RAP1GAP2: variants seen among roughly 807,000 people sequenced by gnomAD.
RAP1GAP2 encodes rap1 GTPase-activating protein 2.
A neutral mutation model predicts 95.0 loss-of-function variants in RAP1GAP2; 27 were observed. The ratio of observed to expected loss-of-function variants is 0.28; its 90% CI spans 0.21 to 0.39. RAP1GAP2 has a LOEUF of 0.39. RAP1GAP2 is among the 10% of genes least tolerant of loss of function. The pLI, the probability that RAP1GAP2 is intolerant of heterozygous loss-of-function variation, is 1.00. For synonymous variants in RAP1GAP2, 373 were observed against 380.9 expected, an observed-to-expected ratio of 0.98 and a Z score of 0.24; for missense variants, 771 against 970.0, an observed-to-expected ratio of 0.79 and a Z score of 2.72.
At chr17:2,914,439 G>A (rs952145195) in intron 3 of RAP1GAP2, among the ~76,000 whole-genome samples, 2 of 151,770 alleles carry the variant, frequency 1.3e-5, no homozygotes, top group African/African-American at 4.8e-5. Flanking sequence ...CTTTAAATTC[G>A]GTAGTCTTCT....
chr17:2,887,340 G>A (rs2073537358), intron 2 of RAP1GAP2, among the ~76,000 whole-genome samples: 1 of 151,844 alleles, frequency 6.6e-6, no homozygotes, highest in Non-Finnish European at 1.5e-5. Context: ...TTACAGGCAT[G>A]AGCCACCGTA....
At chr17:2,872,761 G>A (rs2151643499) in intron 2 of RAP1GAP2, among the ~76,000 whole-genome samples, 1 of 151,846 alleles carries the variant, frequency 6.6e-6, no homozygotes, top group East Asian at 1.9e-4. Context: ...TGTGAACACT[G>A]CAGCTTTGAC....
Position 2,867,463 on chromosome 17 carries a change from C to T in RAP1GAP2, c.81-37821C>T, listed in dbSNP as rs183584669. ...ATCCACGAAGATGGACGATGGCTGC[C>T]CTGGGCTGACCTTCTACCCACTTAG... On this transcript the variant is annotated intron_variant, in intron 2 of 24. Transcript: ENST00000254695. The surrounding 1 kb of genome is among the most constrained non-coding windows in gnomAD (Gnocchi z 4.5). Among the ~76,000 whole-genome samples, 77 of 152,184 alleles carry T rather than the reference C, an allele frequency of 5.1e-4. No individual in the cohort carries two copies. The East Asian group carries it at 0.012, about 24-fold the overall frequency.
At chr17:2,978,578 T>C (rs193067050) in intron 8 of RAP1GAP2, among the ~76,000 whole-genome samples, 263 of 152,318 alleles carry the variant, frequency 1.7e-3, no homozygotes, top group Middle Eastern at 6.8e-3. Context: ...TGGCCGTGGT[T>C]GACTGCAGGT....
intron 2 of RAP1GAP2, among the ~76,000 whole-genome samples, chr17:2,901,424 A>T (rs1567758533): frequency 6.6e-6 from 1 of 151,674 alleles, no homozygotes; most frequent in Admixed American, 6.6e-5. Flanking sequence ...CCCTCCTCTC[A>T]TGGGTCCTTG....
At chr17:2,813,887 C>T (rs570412781) in intron 2 of RAP1GAP2, among the ~76,000 whole-genome samples, 7 of 151,902 alleles carry the variant, frequency 4.6e-5, no homozygotes, top group Non-Finnish European at 8.8e-5. Context: ...CACTTAAACC[C>T]GGGAGGCGGA....
intron 1 of RAP1GAP2, among the ~76,000 whole-genome samples, chr17:2,765,615 C>T (rs970698081): frequency 5.9e-5 from 9 of 151,786 alleles, no homozygotes; most frequent in Non-Finnish European, 1.3e-4. Context: ...TGGTGGTGGG[C>T]GCCTGTAGTC....
At chr17:2,959,668 T>C (rs2044240587) in intron 4 of RAP1GAP2, among the ~76,000 whole-genome samples, 1 of 152,232 alleles carries the variant, frequency 6.6e-6, no homozygotes. Context: ...TCCCGATACC[T>C]AGCCCAAGAG....
At chr17:3,032,854 C>T (rs1214377189) in intron 24 of RAP1GAP2, among the ~76,000 whole-genome samples, 1 of 152,186 alleles carries the variant, frequency 6.6e-6, no homozygotes, top group Non-Finnish European at 1.5e-5. Context: ...TGTGTTCTCC[C>T]TCCCTGTCGG....
chr17:2,977,646 G>T (rs1480119329), intron 8 of RAP1GAP2, among the ~76,000 whole-genome samples: 2 of 151,338 alleles, frequency 1.3e-5, no homozygotes, highest in Non-Finnish European at 2.9e-5. Flanking sequence ...TCGGGAGGCT[G>T]AGGCAGGAGA....
chr17:2,974,609 G>A (rs1211675942), intron 8 of RAP1GAP2, among the ~76,000 whole-genome samples: 1 of 148,296 alleles, frequency 6.7e-6, no homozygotes. Context: ...TTTTTTTTTT[G>A]CATGTTTAAA....
chr17:3,007,938 TGG>T (rs1239743249), intron 16 of RAP1GAP2, 71 bp from the exon 17 acceptor site: 2 of 1,541,450 alleles, frequency 1.3e-6, no homozygotes, highest in African/African-American at 1.4e-5. Context: ...GCCAGGTGTC[TGG>T]AGCTCACAAG....
chr17:2,857,676 C>T lies in RAP1GAP2; in HGVS notation c.81-47608C>T, dbSNP rs114113521. ...TGGATGAAGCCTTCCTCAGAGACTG[C>T]GGTTTGGAAACCACTTTGATTTTCA... On this transcript the variant is annotated intron_variant, in intron 2 of 24. Coordinates refer to ENST00000254695, the MANE Select transcript of RAP1GAP2 (RefSeq NM_015085.5). The surrounding 1 kb of genome is among the most constrained non-coding windows in gnomAD (Gnocchi z 4.0). Among the ~76,000 whole-genome samples, 3,676 of 152,180 alleles carry T rather than the reference C, an allele frequency of 0.024. 139 individuals are homozygous for T. Among genetic ancestry groups the T allele is most frequent in the African/African-American group, 0.084 (3,480 of 41,484 alleles).
intron 14 of RAP1GAP2, among the ~76,000 whole-genome samples, chr17:3,002,991 G>T (rs779141448): frequency 3.2e-4 from 48 of 151,922 alleles, no homozygotes; most frequent in Non-Finnish European, 4.3e-4. Context: ...AAGTGAAAAG[G>T]CCACTGGGCG....
intron 13 of RAP1GAP2, among the ~76,000 whole-genome samples, chr17:2,996,168 G>C (rs1019826245): frequency 1.3e-5 from 2 of 152,026 alleles, no homozygotes; most frequent in African/African-American, 2.4e-5. Flanking sequence ...CATCTCACAG[G>C]CTCCTCTCTC....
intron 3 of RAP1GAP2, among the ~76,000 whole-genome samples, chr17:2,909,897 C>T (rs1316461662): frequency 6.6e-6 from 1 of 152,102 alleles, no homozygotes; most frequent in East Asian, 1.9e-4. Context: ...GTGCCTGGCC[C>T]GAGGGGTTCT....
rs745889084 is a variant in RAP1GAP2 at position 2,867,601 on chromosome 17, AG to A, written c.81-37679del. On this transcript the variant is annotated intron_variant, in intron 2 of 24. Coordinates refer to ENST00000254695, the MANE Select transcript of RAP1GAP2 (RefSeq NM_015085.5). This position sits in a 1 kb window ranked among gnomAD's most constrained non-coding sequence, Gnocchi z 4.5. ...ATACGCATCCCTGAACTTTGGCCAG[AG>A]GGGTGGGATACACTGATTCATGAAG... Among the ~76,000 whole-genome samples the A allele has an allele frequency of 6.6e-6, 1 of 152,110 alleles. No homozygotes were observed. The highest frequency in any genetic ancestry group is 1.5e-5 in the Non-Finnish European group (1 of 67,994).
At chr17:2,967,285 C>G (rs1250499401) in intron 8 of RAP1GAP2, among the ~76,000 whole-genome samples, 2 of 152,136 alleles carry the variant, frequency 1.3e-5, no homozygotes. Context: ...GCAGGAGAAT[C>G]ACCTGAACCC....
In RAP1GAP2 at chr17:2,901,656, C is replaced by T. The variant is rs1291232116; in HGVS notation, c.81-3628C>T. Among the ~76,000 whole-genome samples, 12 of 152,212 alleles carry T rather than the reference C, an allele frequency of 7.9e-5. No individual in the cohort carries two copies. The East Asian group carries it at 2.3e-3, about 29-fold the overall frequency. ...CCTTGATATAATCACATCACTTTCACCTCCTCGTGTGTGATATGTTTGCCT... is the reference window on the plus strand; with the variant it reads ...CCTTGATATAATCACATCACTTTCATCTCCTCGTGTGTGATATGTTTGCCT... On this transcript the variant is annotated intron_variant, in intron 2 of 24. Coordinates refer to ENST00000254695, the MANE Select transcript of RAP1GAP2 (RefSeq NM_015085.5).
Sources: allele counts gnomAD v4.1 joint callset (sites outside exome capture counted in the v4.1 genomes callset), GRCh38; gene constraint gnomAD v4.1.1; non-coding constraint Gnocchi (gnomAD v3.1); transcripts MANE v1.5; gene names NCBI Gene and HGNC (gene_info 2026-07-23, HGNC 2026-07-21).